The following PRDM16 variants were observed in gnomAD, a reference collection of about 807,000 sequenced individuals.
PRDM16 encodes PR/SET domain 16.
A neutral mutation model predicts 110.6 loss-of-function variants in PRDM16; 23 were observed. That is an observed-to-expected ratio of 0.21 (90% CI 0.15 to 0.29). PRDM16 has a LOEUF of 0.29. Ranked by LOEUF, PRDM16 falls within the 10% of genes least tolerant of loss-of-function variation. The pLI, the probability that PRDM16 is intolerant of heterozygous loss-of-function variation, is 1.00. For missense variants in PRDM16, 1,615 were observed against 1,794.3 expected (o/e 0.90, Z 1.81); for synonymous variants, 799 against 781.8 (o/e 1.02, Z -0.37).
Position 3,188,337 on chromosome 1 carries a change from TG to T in PRDM16, c.387+1864del, listed in dbSNP as rs141268371. On this transcript the variant is annotated intron_variant, in intron 2 of 16. Coordinates refer to ENST00000270722, the MANE Select transcript of PRDM16 (RefSeq NM_022114.4). ...ACTTTGGATGACCTTCAGGTGACTTTGTTCTTGTCTACTCTGATACAAGTTT... is the reference window on the plus strand; with the variant it reads ...ACTTTGGATGACCTTCAGGTGACTTTTTCTTGTCTACTCTGATACAAGTTT... Among the ~76,000 whole-genome samples, 571 of 152,318 alleles carry T rather than the reference TG, an allele frequency of 3.7e-3. 2 individuals carry two copies. The highest frequency in any genetic ancestry group is 0.013 in the African/African-American group (543 of 41,562).
chr1:3,381,471 C>T lies in PRDM16; in HGVS notation c.439-3681C>T, dbSNP rs570107632. 4.7e-5 allele frequency among the ~76,000 whole-genome samples: 7 copies of T among 149,572 alleles called. No individual in the cohort carries two copies. In the South Asian group the frequency reaches 8.5e-4, roughly 18 times the overall value. ...AGGCTGGAGTGCAGTGGCGCAATCT[C>T]GGCTCACTATAGCCTCTTCCTCCCA... On this transcript the variant is annotated intron_variant, in intron 3 of 16. Transcript: ENST00000270722.
chr1:3,279,169 G>A (rs961713679), intron 3 of PRDM16, among the ~76,000 whole-genome samples: 1 of 152,206 alleles, frequency 6.6e-6, no homozygotes, highest in Non-Finnish European at 1.5e-5. Flanking sequence ...CAGGAGCCTC[G>A]AAGCGTCGCT....
intron 12 of PRDM16, among the ~76,000 whole-genome samples, chr1:3,422,383 A>ACAGT (rs1392337583): frequency 6.6e-6 from 1 of 152,006 alleles, no homozygotes; most frequent in African/African-American, 2.4e-5. Flanking sequence ...AGGCAGACAG[A>ACAGT]CAGTCAGGCA....
At chr1:3,418,774 C>T (rs375784971) in intron 12 of PRDM16, 30 bp downstream of exon 12, 46 of 1,562,048 alleles carry the variant, frequency 2.9e-5, no homozygotes, top group Middle Eastern at 3.3e-4. Flanking sequence ...GGTGTGGGGG[C>T]GGGGCCGCCT....
intron 1 of PRDM16, among the ~76,000 whole-genome samples, chr1:3,134,830 T>C (rs1643403870): frequency 6.6e-6 from 1 of 152,218 alleles, no homozygotes; most frequent in African/African-American, 2.4e-5. Context: ...GGCCTTTTGT[T>C]TGGCAGAGGG....
intron 2 of PRDM16, among the ~76,000 whole-genome samples, chr1:3,203,256 C>G (rs963151555): frequency 6.6e-6 from 1 of 152,140 alleles, no homozygotes; most frequent in Non-Finnish European, 1.5e-5. Context: ...GGTTGCGTCC[C>G]ACGCCACAGG....
intron 3 of PRDM16, among the ~76,000 whole-genome samples, chr1:3,253,826 C>T (rs1312894733): frequency 2.0e-5 from 3 of 152,114 alleles, no homozygotes; most frequent in Admixed American, 2.0e-4. Context: ...GTCCCACCAA[C>T]AGTGTAAAAG....
At chr1:3,185,936 A>G (rs1644261722) in intron 1 of PRDM16, among the ~76,000 whole-genome samples, 189 bp from the exon 2 acceptor site, 1 of 152,194 alleles carries the variant, frequency 6.6e-6, no homozygotes, top group Non-Finnish European at 1.5e-5. Flanking sequence ...AGCCTCTGAC[A>G]TCGAGTGATG....
chr1:3,180,778 T>G (rs969339332), intron 1 of PRDM16, among the ~76,000 whole-genome samples: 1 of 135,198 alleles, frequency 7.4e-6, no homozygotes, highest in Non-Finnish European at 1.6e-5. Context: ...AGAGGCCGCA[T>G]AGAGGCTGGG....
chr1:3,431,981 C>G lies in PRDM16; in HGVS notation c.3537C>G (p.His1179Gln). The stretch of plus-strand genomic sequence containing the variant: ...ATTGGTGCAGGTGTGCTGAGGACCA[C>G]GAAGGCGGTCTGTTAGCTTTGGAGC... ...FDHTRRCAED[H>Q]EGGLLALEPM... The change falls in exon 16 of 17, where the codon CAC becomes CAG. Residue 1179 changes from histidine to glutamine, a missense_variant. This residue lies in a region of PRDM16 where 327 missense variants were observed against 359.3 expected (regional missense o/e 0.91). Transcript: ENST00000270722. The G allele has an allele frequency of 1.2e-6, 2 of 1,613,422 alleles. No individual in the cohort carries two copies. Among genetic ancestry groups the G allele is most frequent in the Middle Eastern group, 1.8e-4 (1 of 5,590 alleles).
intron 3 of PRDM16, among the ~76,000 whole-genome samples, chr1:3,338,174 C>T (rs560844007): frequency 1.3e-5 from 2 of 152,358 alleles, no homozygotes; most frequent in Admixed American, 6.5e-5. Flanking sequence ...CAGGCGCAGC[C>T]GAATTCTCTT....
At chr1:3,268,206 CGG>C (rs540571059) in intron 3 of PRDM16, among the ~76,000 whole-genome samples, 159 of 152,290 alleles carry the variant, frequency 1.0e-3, no homozygotes, top group African/African-American at 3.4e-3. Context: ...GCCCCCGGCT[CGG>C]CGCGCGTCAG....
chr1:3,299,025 G>C (rs573340234), intron 3 of PRDM16, among the ~76,000 whole-genome samples: 2 of 152,184 alleles, frequency 1.3e-5, no homozygotes, highest in Non-Finnish European at 2.9e-5. Context: ...TTTTGTCCTC[G>C]GACCAGCACT....
intron 1 of PRDM16, among the ~76,000 whole-genome samples, chr1:3,076,587 G>A (rs1296108908): frequency 5.9e-5 from 9 of 152,208 alleles, no homozygotes; most frequent in African/African-American, 2.2e-4. Context: ...GCTTCTCCGA[G>A]GGTGTCTGTC....
At chr1:3,115,738 C>T (rs777413953) in intron 1 of PRDM16, among the ~76,000 whole-genome samples, 24 of 152,350 alleles carry the variant, frequency 1.6e-4, no homozygotes, top group Non-Finnish European at 2.9e-4. Flanking sequence ...GCCTTCCACA[C>T]GGCATCTCCT....
intron 1 of PRDM16, among the ~76,000 whole-genome samples, chr1:3,170,282 A>AC (rs1557499447): frequency 2.0e-5 from 3 of 152,004 alleles, no homozygotes; most frequent in Non-Finnish European, 2.9e-5. Context: ...GGGTGCAGAG[A>AC]TCCCCCGCTC....
Position 3,412,264 on chromosome 1 carries a change from C to T in PRDM16, c.2067C>T (p.Ala689=), listed in dbSNP as rs371813954. ...DEQLLTATGA[A]GDSIKAIASI... ...AGCTGCTGACTGCAACGGGCGCCGCCGGGGACTCCATCAAGGCCATCGCAT... is the reference window on the plus strand; with the variant it reads ...AGCTGCTGACTGCAACGGGCGCCGCTGGGGACTCCATCAAGGCCATCGCAT... The change falls in exon 9 of 17, where the codon GCC becomes GCT. Residue 689 remains alanine (A), a synonymous_variant. Transcript: ENST00000270722. 1.3e-5 allele frequency: 21 copies of T among 1,613,136 alleles called. No homozygotes were observed. The highest frequency in any genetic ancestry group is 4.0e-5 in the African/African-American group (3 of 74,908).
At chr1:3,121,207 T>C (rs1339732052) in intron 1 of PRDM16, among the ~76,000 whole-genome samples, 1 of 152,128 alleles carries the variant, frequency 6.6e-6, no homozygotes, top group Non-Finnish European at 1.5e-5. Flanking sequence ...TAAGATCAGC[T>C]GGCCTGGTCA....
At chr1:3,378,678 G>A (rs1643039427) in intron 3 of PRDM16, among the ~76,000 whole-genome samples, 1 of 152,118 alleles carries the variant, frequency 6.6e-6, no homozygotes, top group African/African-American at 2.4e-5. Flanking sequence ...ACCCTGGGGA[G>A]GAAGGCGAGA....
Sources: allele counts gnomAD v4.1 joint callset (sites outside exome capture counted in the v4.1 genomes callset), GRCh38; gene constraint gnomAD v4.1.1; regional missense constraint gnomAD v4.1.1; transcripts MANE v1.5; gene names NCBI Gene and HGNC (gene_info 2026-07-23, HGNC 2026-07-21).